The following PTPRK variants were observed in gnomAD, a reference collection of about 807,000 sequenced individuals.
PTPRK encodes the protein protein tyrosine phosphatase receptor type K, also known as receptor-type tyrosine-protein phosphatase kappa.
Under a neutral mutation model 178.0 loss-of-function variants are expected in PTPRK, and 75 were observed. The observed-to-expected ratio is 0.42, with a 90% CI of 0.35 to 0.51. The LOEUF (loss-of-function observed/expected upper bound fraction) is 0.51, where lower values mean the gene tolerates loss of function less well. Among genes scored for constraint, PTPRK ranks in the 20% least tolerant of loss-of-function variants. The pLI is 0.02. For missense variants in PTPRK, 1,441 were observed against 1,797.8 expected, an observed-to-expected ratio of 0.80 and a Z score of 3.59; for synonymous variants, 637 against 620.6, an observed-to-expected ratio of 1.03 and a Z score of -0.39.
At position 128,261,897 on chromosome 6, in the gene PTPRK, G is replaced by C. The variant is rs140735144; in HGVS notation, c.496-19295C>G. On this transcript the variant is annotated intron_variant, in intron 3 of 29. Transcript: ENST00000368226. ...AATTCCACAAGAATCAAGAATATAG[G>C]CTCTACTCTTAAGCACAGCATCAAG... Among the ~76,000 whole-genome samples the C allele has an allele frequency of 3.9e-5, 6 of 152,148 alleles. No individual in the cohort carries two copies. In the East Asian group the frequency reaches 9.7e-4, roughly 25 times the overall value.
chr6:128,460,028 G>A (rs913209860), intron 1 of PTPRK, among the ~76,000 whole-genome samples: 1 of 152,086 alleles, frequency 6.6e-6, no homozygotes, highest in African/African-American at 2.4e-5. Context: ...AACTCTACCA[G>A]GAGAACAGCA....
chr6:128,072,310 A>G (rs1386513135), intron 11 of PTPRK, among the ~76,000 whole-genome samples: 1 of 151,994 alleles, frequency 6.6e-6, no homozygotes, highest in African/African-American at 2.4e-5. Flanking sequence ...TGATGGGGTT[A>G]TGTCCCAATA....
intron 2 of PTPRK, among the ~76,000 whole-genome samples, chr6:128,387,285 C>T (rs896789037): frequency 1.9e-4 from 29 of 152,086 alleles, no homozygotes; most frequent in African/African-American, 6.8e-4. Context: ...TCACTAATTA[C>T]CACTGATTAA....
intron 7 of PTPRK, among the ~76,000 whole-genome samples, chr6:128,117,340 G>A (rs545252009): frequency 5.8e-4 from 88 of 152,100 alleles, no homozygotes; most frequent in Non-Finnish European, 8.2e-4. Context: ...GTGTTAGAGA[G>A]ATTGTAATTT....
At chr6:128,285,864 A>G (rs1428969357) in intron 3 of PTPRK, among the ~76,000 whole-genome samples, 1 of 152,066 alleles carries the variant, frequency 6.6e-6, no homozygotes, top group Non-Finnish European at 1.5e-5. Context: ...AAAGTTAGAA[A>G]TATTGAGGTC....
chr6:128,385,275 T>G (rs1037536672), intron 2 of PTPRK, among the ~76,000 whole-genome samples: 2 of 152,028 alleles, frequency 1.3e-5, no homozygotes, highest in African/African-American at 4.8e-5. Context: ...CTTTGTGATT[T>G]CCTATAGGTC....
At chr6:128,449,941 C>CA (rs5879890) in intron 1 of PTPRK, among the ~76,000 whole-genome samples, 2,369 of 128,322 alleles carry the variant, frequency 0.018, 58 homozygotes, top group African/African-American at 0.057. Flanking sequence ...ACTAAAAATG[C>CA]AAAAAAAAAA....
chr6:128,436,854 G>A (rs576000381), intron 1 of PTPRK, among the ~76,000 whole-genome samples: 11 of 152,166 alleles, frequency 7.2e-5, no homozygotes, highest in Non-Finnish European at 1.6e-4. Context: ...GGGGAAACAA[G>A]AATTGCTGTT....
chr6:128,206,498 T>A (rs1435726173), intron 6 of PTPRK, among the ~76,000 whole-genome samples: 1 of 151,322 alleles, frequency 6.6e-6, no homozygotes, highest in African/African-American at 2.4e-5. Flanking sequence ...TTATTCTCAG[T>A]ATAAAAAAAG....
chr6:128,064,868 T>C lies in PTPRK; in HGVS notation c.2158-74A>G, dbSNP rs561251679. Reference sequence around the variant, plus strand: ...TTCCTGTTTCATAAACTATAATTATTATGAAGATCCATCTGGGGTCATAAA... The same window carrying C: ...TTCCTGTTTCATAAACTATAATTATCATGAAGATCCATCTGGGGTCATAAA... On this transcript the variant is annotated intron_variant, in intron 12 of 29. Transcript: ENST00000368226. 1,130 of 1,456,358 alleles carry C rather than the reference T, an allele frequency of 7.8e-4. 1 individual carries two copies. The highest frequency in any genetic ancestry group is 9.9e-4 in the Non-Finnish European group (1,093 of 1,109,150). 90.2% of individuals were successfully genotyped at this position (1,456,358 alleles called of 1,614,324 possible).
chr6:127,986,617 C>T (rs185797105), intron 21 of PTPRK, among the ~76,000 whole-genome samples: 106 of 152,134 alleles, frequency 7.0e-4, no homozygotes, highest in African/African-American at 2.5e-3. Context: ...GGTAGCACAG[C>T]TTGGAAGGTA....
At chr6:128,128,227 G>T (rs1401270738) in intron 7 of PTPRK, among the ~76,000 whole-genome samples, 3 of 152,066 alleles carry the variant, frequency 2.0e-5, no homozygotes, top group Non-Finnish European at 2.9e-5. Context: ...CAATGTTAAA[G>T]AATCAGTAAT....
At chr6:128,295,885 A>C (rs1303138257) in intron 3 of PTPRK, among the ~76,000 whole-genome samples, 1 of 152,142 alleles carries the variant, frequency 6.6e-6, no homozygotes, top group African/African-American at 2.4e-5. Context: ...CTACACTGTA[A>C]CTTTTATGTA....
intron 7 of PTPRK, among the ~76,000 whole-genome samples, chr6:128,101,052 A>G (rs1044501663): frequency 1.3e-5 from 2 of 152,002 alleles, no homozygotes; most frequent in Non-Finnish European, 2.9e-5. Context: ...TTCCATAAAT[A>G]TGTCCTGGTA....
chr6:127,978,684 C>T (rs1298907245), intron 25 of PTPRK, among the ~76,000 whole-genome samples: 1 of 152,190 alleles, frequency 6.6e-6, no homozygotes, highest in African/African-American at 2.4e-5. Flanking sequence ...CGGCTATCTA[C>T]TCATTTTTTG....
intron 1 of PTPRK, among the ~76,000 whole-genome samples, chr6:128,433,501 T>TTTTG (rs1053731790): frequency 5.9e-5 from 9 of 151,906 alleles, no homozygotes; most frequent in Non-Finnish European, 1.0e-4. Context: ...TTTTTTTGTA[T>TTTTG]TTTGTTTGTT....
chr6:128,069,736 C>T (rs1020955529), intron 11 of PTPRK, among the ~76,000 whole-genome samples: 2 of 151,864 alleles, frequency 1.3e-5, no homozygotes, highest in Non-Finnish European at 2.9e-5. Flanking sequence ...AAAAAAAACA[C>T]AAAATCTAGT....
chr6:128,435,641 T>C (rs1208624604), intron 1 of PTPRK, among the ~76,000 whole-genome samples: 2 of 152,166 alleles, frequency 1.3e-5, no homozygotes, highest in East Asian at 1.9e-4. Flanking sequence ...CAGTTCGTTA[T>C]CTGTTACTTG....
intron 2 of PTPRK, among the ~76,000 whole-genome samples, chr6:128,354,439 G>A (rs907896522): frequency 2.6e-5 from 4 of 151,668 alleles, no homozygotes; most frequent in Non-Finnish European, 5.9e-5. Flanking sequence ...GTTTCACCGT[G>A]TTAGCCAGGA....
Sources: gnomAD v4.1 joint callset for allele counts (sites outside exome capture counted in the v4.1 genomes callset) on GRCh38, gnomAD v4.1.1 for gene constraint, MANE v1.5 for transcripts, NCBI Gene and HGNC (gene_info 2026-07-23, HGNC 2026-07-21) for gene names.